The following TMIGD3 variants were observed in gnomAD, a reference collection of about 807,000 sequenced individuals.
TMIGD3 encodes the protein transmembrane and immunoglobulin domain containing 3.
A neutral mutation model predicts 28.1 loss-of-function variants in TMIGD3; 21 were observed. That is an observed-to-expected ratio of 0.75 (90% CI 0.53 to 1.08). The LOEUF is 1.08. Ranked by LOEUF, TMIGD3 falls within the 50% of genes least tolerant of loss-of-function variation. The pLI, the probability that TMIGD3 is intolerant of heterozygous loss-of-function variation, is 0.00. For missense variants in TMIGD3, 416 were observed against 435.6 expected, an observed-to-expected ratio of 0.96 and a Z score of 0.40; for synonymous variants, 151 against 162.1, an observed-to-expected ratio of 0.93 and a Z score of 0.52.
intron 1 of TMIGD3, among the ~76,000 whole-genome samples, chr1:111,514,311 G>A (rs749858914): frequency 6.6e-6 from 1 of 152,246 alleles, no homozygotes; most frequent in East Asian, 1.9e-4. Flanking sequence ...TTGGAAGGCC[G>A]AGACAGGTGG....
intron 1 of TMIGD3, among the ~76,000 whole-genome samples, chr1:111,528,425 G>A (rs1196450226): frequency 1.3e-5 from 2 of 152,132 alleles, no homozygotes; most frequent in Admixed American, 6.5e-5. Context: ...TAGCTTTATA[G>A]TGAGTCTTGA....
At chr1:111,493,160 G>A (rs561029798) in intron 1 of TMIGD3, among the ~76,000 whole-genome samples, 3 of 152,182 alleles carry the variant, frequency 2.0e-5, no homozygotes, top group Admixed American at 6.5e-5. Context: ...ATAAATAAGG[G>A]GTCGTTCTTC....
chr1:111,562,888 C>G (rs1657795365), intron 1 of TMIGD3, among the ~76,000 whole-genome samples: 2 of 152,170 alleles, frequency 1.3e-5, no homozygotes, highest in Non-Finnish European at 2.9e-5. Flanking sequence ...AGATGCTTAG[C>G]CTTGTGCTGG....
At chr1:111,556,687 G>A (rs190026003) in intron 1 of TMIGD3, among the ~76,000 whole-genome samples, 61 of 152,236 alleles carry the variant, frequency 4.0e-4, no homozygotes, top group Non-Finnish European at 7.4e-4. Context: ...TTTATATGAG[G>A]TACTTAGAAT....
upstream of TMIGD3, chr1:111,504,786 T>G: frequency 1.2e-6 from 1 of 862,154 alleles, no homozygotes; most frequent in South Asian, 5.3e-5. Flanking sequence ...TTAGTTGATC[T>G]GCTCTGGCAT....
chr1:111,549,877 TCC>T (rs1657192378), intron 1 of TMIGD3, among the ~76,000 whole-genome samples: 1 of 152,132 alleles, frequency 6.6e-6, no homozygotes, highest in Non-Finnish European at 1.5e-5. Flanking sequence ...GGCCTTAAAC[TCC>T]TAGCCTCAAG....
intron 1 of TMIGD3, chr1:111,499,548 G>C: frequency 2.0e-6 from 2 of 1,009,546 alleles, no homozygotes; most frequent in Non-Finnish European, 2.4e-6. Context: ...TCCGAGAGCA[G>C]GTTCTCTGCT....
At chr1:111,556,915 G>A (rs114670493) in intron 1 of TMIGD3, among the ~76,000 whole-genome samples, 12,112 of 144,778 alleles carry the variant, frequency 0.084, 1,138 homozygotes, top group African/African-American at 0.23. Flanking sequence ...ATATATGTAT[G>A]TACATATATA....
At chr1:111,506,196 C>T (rs1655484240), upstream of TMIGD3, among the ~76,000 whole-genome samples, 1 of 152,216 alleles carries the variant, frequency 6.6e-6, no homozygotes, top group Non-Finnish European at 1.5e-5. Flanking sequence ...AGGACAGGGA[C>T]CACCACTTTC....
intron 1 of TMIGD3, chr1:111,499,541 G>A (rs751825473): frequency 9.4e-5 from 94 of 1,004,966 alleles, no homozygotes; most frequent in Admixed American, 5.2e-4. Flanking sequence ...GGCATCCTCC[G>A]AGAGCAGGTT....
At position 111,487,096 on chromosome 1, in the gene TMIGD3, C is replaced by T. The variant is rs926624816; in HGVS notation, c.806-444G>A. 3.9e-5 allele frequency among the ~76,000 whole-genome samples: 6 copies of T among 152,214 alleles called. No individual in the cohort carries two copies. In the South Asian group the frequency reaches 1.2e-3, roughly 31 times the overall value. On this transcript the variant is annotated intron_variant, in intron 3 of 5. Coordinates refer to ENST00000369716, the MANE Select transcript of TMIGD3 (RefSeq NM_020683.7). ...TGTAATTGCCATGTTTTTCTTATGACAGCCACCAAAACCCAACGGGAGCAG... is the reference window on the plus strand; with the variant it reads ...TGTAATTGCCATGTTTTTCTTATGATAGCCACCAAAACCCAACGGGAGCAG...
chr1:111,507,853 C>T (rs1655562613), upstream of TMIGD3, among the ~76,000 whole-genome samples: 1 of 152,232 alleles, frequency 6.6e-6, no homozygotes, highest in Non-Finnish European at 1.5e-5. Context: ...CAGGGTCAGC[C>T]CTGAAGGTGG....
Position 111,483,691 on chromosome 1 carries a change from A to T in TMIGD3, c.1040T>A (p.Met347Lys). 1 of 1,612,832 alleles carries T rather than the reference A, an allele frequency of 6.2e-7. No individual in the cohort carries two copies. The highest frequency in any genetic ancestry group is 8.5e-7 in the Non-Finnish European group (1 of 1,178,840). Residue 347 changes from methionine to lysine, a missense_variant, in exon 6 of 6, where the codon ATG becomes AAG. Coordinates refer to ENST00000369716, the MANE Select transcript of TMIGD3 (RefSeq NM_020683.7). ...TPKEMAPTEQ[M>K] ...CTAAATTAAAAAAATCTTCAGTCAC[A>T]TCTGTTCAGTAGGAGCCATTTCCTT...
chr1:111,555,362 T>TAAAAAAAAAAAAAAA (rs397981230), intron 1 of TMIGD3, among the ~76,000 whole-genome samples: 8 of 47,640 alleles, frequency 1.7e-4, no homozygotes, highest in African/African-American at 9.5e-4. Flanking sequence ...TGAGACTCTG[T>TAAAAAAAAAAAAAAA]AAAAAAAAAA....
chr1:111,553,698 G>A (rs1390361283), intron 1 of TMIGD3, among the ~76,000 whole-genome samples: 3 of 152,030 alleles, frequency 2.0e-5, no homozygotes, highest in South Asian at 4.1e-4. Flanking sequence ...ATTTTCACAC[G>A]TATACTGTGA....
chr1:111,505,863 T>C (rs1655467525), upstream of TMIGD3, among the ~76,000 whole-genome samples: 1 of 152,148 alleles, frequency 6.6e-6, no homozygotes, highest in African/African-American at 2.4e-5. Context: ...CCAGACTCCT[T>C]AGAGTGGCTT....
At chr1:111,545,995 G>T (rs559514061) in intron 1 of TMIGD3, among the ~76,000 whole-genome samples, 2 of 152,084 alleles carry the variant, frequency 1.3e-5, no homozygotes, top group African/African-American at 4.8e-5. Context: ...AGCCTTATGC[G>T]AGTACCATAC....
chr1:111,495,047 A>G (rs1226309191), intron 1 of TMIGD3, among the ~76,000 whole-genome samples: 1 of 152,258 alleles, frequency 6.6e-6, no homozygotes, highest in African/African-American at 2.4e-5. Flanking sequence ...AAACCCTGGA[A>G]GGCAAACTAG....
chr1:111,486,833 G>A (rs905239335), intron 3 of TMIGD3, among the ~76,000 whole-genome samples, 181 bp from the exon 4 acceptor site: 1 of 152,228 alleles, frequency 6.6e-6, no homozygotes, highest in Admixed American at 6.5e-5. Flanking sequence ...GAACAAGGCT[G>A]AGGGGACAAG....
Sources: gnomAD v4.1 joint callset for allele counts (sites outside exome capture counted in the v4.1 genomes callset) on GRCh38, gnomAD v4.1.1 for gene constraint, MANE v1.5 for transcripts, NCBI Gene and HGNC (gene_info 2026-07-23, HGNC 2026-07-21) for gene names.